Variants in ADCY3 observed in about 807,000 individuals in gnomAD.
The protein encoded by ADCY3 is adenylate cyclase type 3.
In ADCY3, 70 loss-of-function variants were observed where a neutral mutation model predicts 119.4. The ratio of observed to expected loss-of-function variants is 0.59; its 90% CI spans 0.48 to 0.72. The LOEUF (loss-of-function observed/expected upper bound fraction) is 0.72. Ranked by LOEUF, ADCY3 falls within the 30% of genes least tolerant of loss-of-function variation. The pLI, the probability that ADCY3 is intolerant of heterozygous loss-of-function variation, is 0.00. For synonymous variants in ADCY3, 672 were observed against 621.4 expected (o/e 1.08, Z -1.21); for missense variants, 1,238 against 1,541.6 (o/e 0.80, Z 3.30).
Position 24,918,244 on chromosome 2 carries a change from T to TC in ADCY3, c.675+68dup. On this transcript the variant is annotated intron_variant, in intron 2 of 21. Transcript: ENST00000679454. The surrounding 1 kb of genome is among the most constrained non-coding windows in gnomAD (Gnocchi z 5.4). ...ACTCAAAGGCAAAGCAAACAGCAAC[T>TC]CCAACAGGTCCCAAGTTGGTGAGAG... 3.4e-6 allele frequency: 5 copies of TC among 1,491,580 alleles called. No homozygotes were observed. The highest frequency in any genetic ancestry group is 3.6e-6 in the Non-Finnish European group (4 of 1,116,510). The allele number at this position is 1,491,580 out of a possible 1,614,324, so 92.4% of individuals were successfully genotyped here. A position where few individuals can be genotyped will look rare whatever the true frequency, so the allele number is the denominator to read the frequency against.
At chr2:24,888,093 A>G (rs6749170) in intron 2 of ADCY3, among the ~76,000 whole-genome samples, 80,605 of 152,110 alleles carry the variant, frequency 0.53, 23,567 homozygotes, top group African/African-American at 0.8. Context: ...CCTTGTACAC[A>G]GTAGGTCCTC....
intron 13 of ADCY3, among the ~76,000 whole-genome samples, chr2:24,829,588 T>C (rs1325815386): frequency 6.6e-6 from 1 of 151,052 alleles, no homozygotes; most frequent in Non-Finnish European, 1.5e-5. Context: ...GCCCGGCTAA[T>C]TTTTTTGTAT....
At chr2:24,820,376 A>C in intron 21 of ADCY3, 1 of 1,319,666 alleles carries the variant, frequency 7.6e-7, no homozygotes, top group Non-Finnish European at 9.6e-7. Context: ...GGGTGGCAGC[A>C]CTGTTACCTG....
intron 17 of ADCY3, 81 bp from the exon 18 acceptor site, chr2:24,823,436 T>C: frequency 3.3e-6 from 5 of 1,496,000 alleles, no homozygotes; most frequent in Middle Eastern, 2.2e-4. Flanking sequence ...CTATCTTCCA[T>C]GCATGACATG....
At position 24,842,630 on chromosome 2, in the gene ADCY3, G is replaced by C. The variant is rs1442633912; in HGVS notation, c.826-246C>G. On this transcript the variant is annotated intron_variant, in intron 3 of 21. Coordinates refer to ENST00000679454, the MANE Select transcript of ADCY3 (RefSeq NM_004036.5). The surrounding 1 kb of genome is among the most constrained non-coding windows in gnomAD (Gnocchi z 4.9). ...GCAACTGAGGGGAGCCAGAAACGCA[G>C]TGAAGCATCCCAACGTGGCTCTGTG... 1 of 504,276 alleles carries C rather than the reference G, an allele frequency of 2.0e-6. No individual in the cohort carries two copies. Among genetic ancestry groups the C allele is most frequent in the Non-Finnish European group, 3.6e-6 (1 of 277,204 alleles). The allele number at this position is 504,276 out of a possible 1,614,324, so 31.2% of individuals were successfully genotyped here.
intron 2 of ADCY3, among the ~76,000 whole-genome samples, chr2:24,904,525 A>G (rs34697209): frequency 0.5 from 76,033 of 151,836 alleles, 21,076 homozygotes; most frequent in African/African-American, 0.76. Context: ...CATCTCAAAA[A>G]AAAAGAAAAG....
intron 11 of ADCY3, among the ~76,000 whole-genome samples, chr2:24,831,951 AGGGGCAGGGGCCAG>A (rs1669606791): frequency 1.1e-5 from 1 of 87,654 alleles, no homozygotes; most frequent in South Asian, 5.0e-4. Context: ...GACAGCAGAC[AGGGGCAGGGGCCAG>A]GGGGCAGCGG....
Position 24,919,252 on chromosome 2 carries a change from C to A in ADCY3, c.-197-68G>T. On this transcript the variant is annotated intron_variant, in intron 1 of 21. Coordinates refer to ENST00000679454, the MANE Select transcript of ADCY3 (RefSeq NM_004036.5). This position sits in a 1 kb window ranked among gnomAD's most constrained non-coding sequence, Gnocchi z 5.5. The stretch of plus-strand genomic sequence containing the variant: ...CCTTGCGGTTTCCCCATGACCCGCC[C>A]TAACCCTCATAAAAGGATCTCTGCT... 1 of 465,662 alleles carries A rather than the reference C, an allele frequency of 2.1e-6. No homozygotes were observed. Among genetic ancestry groups the A allele is most frequent in the Non-Finnish European group, 3.9e-6 (1 of 257,062 alleles). The allele number at this position is 465,662 out of a possible 1,614,324, so 28.8% of individuals were successfully genotyped here. A position where few individuals can be genotyped will look rare whatever the true frequency, so the allele number is the denominator to read the frequency against.
chr2:24,820,898 T>C (rs779138309), intron 20 of ADCY3, 50 bp from the exon 21 acceptor site: 12 of 1,602,976 alleles, frequency 7.5e-6, no homozygotes, highest in South Asian at 5.6e-5. Context: ...CACCTTGTTA[T>C]GGGCCTCAGA....
chr2:24,874,197 T>C (rs1237855064), intron 2 of ADCY3, among the ~76,000 whole-genome samples: 1 of 152,198 alleles, frequency 6.6e-6, no homozygotes, highest in Admixed American at 6.5e-5. Flanking sequence ...CAAGGGCCCG[T>C]TGCGTGACGA....
chr2:24,884,363 C>A (rs1309353422), intron 2 of ADCY3, among the ~76,000 whole-genome samples: 1 of 152,142 alleles, frequency 6.6e-6, no homozygotes, highest in Non-Finnish European at 1.5e-5. Context: ...GAGCTTCCAG[C>A]CTTCCTGGGT....
Position 24,918,588 on chromosome 2 carries a change from C to G in ADCY3, c.400G>C (p.Val134Leu), listed in dbSNP as rs143199260. The change falls in exon 2 of 22, where the codon GTC becomes CTC. Residue 134 changes from valine to leucine, a missense_variant. Around this residue, in one of 7 missense-constraint regions of ADCY3, gnomAD observed 227 missense variants for 249.3 expected, o/e 0.91. Transcript: ENST00000679454. The surrounding 1 kb of genome is among the most constrained non-coding windows in gnomAD (Gnocchi z 5.4). Reference sequence around the variant, plus strand: ...ACGTAGGGCAGCACTCTGCGGGTGACCCGGTCCGGGAGCAGCCCCTTTTTG... The same window carrying G: ...ACGTAGGGCAGCACTCTGCGGGTGAGCCGGTCCGGGAGCAGCCCCTTTTTG... ...LCKKGLLPDR[V>L]TRRVLPYVLW... The G allele has an allele frequency of 1.4e-5, 23 of 1,614,022 alleles. No individual in the cohort carries two copies. Among genetic ancestry groups the G allele is most frequent in the Non-Finnish European group, 1.9e-5 (22 of 1,180,042 alleles).
At position 24,834,794 on chromosome 2, in the gene ADCY3, ACTTGGGCGG is replaced by A; in HGVS notation, c.1796_1804del (p.Ser599_Val602delinsLeu). 6.2e-7 allele frequency: 1 copy of A among 1,612,978 alleles called. No individual in the cohort carries two copies. On this transcript the variant is annotated inframe_deletion and splice_region_variant, in exon 10 of 22. Transcript: ENST00000679454. This position sits in a 1 kb window ranked among gnomAD's most constrained non-coding sequence, Gnocchi z 4.2. ...CTGGACGCTTCCGGGTGGCGCTTAC[ACTTGGGCGG>A]ACTCTCGCTCAAGCAGGGCCTCGTT...
intron 3 of ADCY3, among the ~76,000 whole-genome samples, chr2:24,855,006 C>T (rs956606488): frequency 5.3e-5 from 8 of 152,080 alleles, no homozygotes; most frequent in Admixed American, 1.3e-4. Context: ...ACTGAGACTG[C>T]GCCACTGCAC....
At position 24,821,652 on chromosome 2, in the gene ADCY3, G is replaced by A; in HGVS notation, c.3004-12C>T. 6.2e-7 allele frequency: 1 copy of A among 1,613,508 alleles called. No homozygotes were observed. The highest frequency in any genetic ancestry group is 8.5e-7 in the Non-Finnish European group (1 of 1,179,778). ...TCGGACTTGTCTTCCTGTGCCAGGG[G>A]ACCGTGGAGAAAGTGTCAGGGGCCG... On this transcript the variant is annotated splice_polypyrimidine_tract_variant and intron_variant, in intron 19 of 21. Coordinates refer to ENST00000679454, the MANE Select transcript of ADCY3 (RefSeq NM_004036.5).
chr2:24,918,174 T>C lies in ADCY3; in HGVS notation c.675+139A>G. On this transcript the variant is annotated intron_variant, in intron 2 of 21. Coordinates refer to ENST00000679454, the MANE Select transcript of ADCY3 (RefSeq NM_004036.5). The surrounding 1 kb of genome is among the most constrained non-coding windows in gnomAD (Gnocchi z 5.4). ...GGCACAGGGGTGAAAAGGCAGGGAC[T>C]AGGGAGAGAGGTGAGAGCCCCGGAG... 7 of 917,774 alleles carry C rather than the reference T, an allele frequency of 7.6e-6. No individual in the cohort carries two copies. In the Middle Eastern group the frequency reaches 1.4e-3, roughly 183 times the overall value. 56.9% of individuals were successfully genotyped at this position (917,774 alleles called of 1,614,324 possible). A position where few individuals can be genotyped will look rare whatever the true frequency, so the allele number is the denominator to read the frequency against.
intron 3 of ADCY3, among the ~76,000 whole-genome samples, chr2:24,854,571 G>A (rs547702534): frequency 6.6e-6 from 1 of 152,288 alleles, no homozygotes; most frequent in East Asian, 1.9e-4. Flanking sequence ...CAAGTGGCTC[G>A]TGGCTTTTGT....
intron 3 of ADCY3, among the ~76,000 whole-genome samples, chr2:24,850,832 T>C (rs1672201713): frequency 6.6e-6 from 1 of 152,164 alleles, no homozygotes; most frequent in Admixed American, 6.5e-5. Context: ...GAAACAACAG[T>C]ATTGTTTATC....
chr2:24,918,268 A>AGGGC lies in ADCY3; in HGVS notation c.675+44_675+45insGCCC, dbSNP rs768819717. 53 of 1,512,428 alleles carry AGGGC rather than the reference A, an allele frequency of 3.5e-5. No homozygotes were observed. The highest frequency in any genetic ancestry group is 4.2e-5 in the Non-Finnish European group (48 of 1,132,206). 93.7% of individuals were successfully genotyped at this position (1,512,428 alleles called of 1,614,324 possible). Reference sequence around the variant, plus strand: ...CTCCAACAGGTCCCAAGTTGGTGAGAGCTGCAGGAGAGGACGCTGTGGGGG... The same window carrying AGGGC: ...CTCCAACAGGTCCCAAGTTGGTGAGAGGGCGCTGCAGGAGAGGACGCTGTGGGGG... On this transcript the variant is annotated intron_variant, in intron 2 of 21. Coordinates refer to ENST00000679454, the MANE Select transcript of ADCY3 (RefSeq NM_004036.5). The surrounding 1 kb of genome is among the most constrained non-coding windows in gnomAD (Gnocchi z 5.4).
Sources: gnomAD v4.1 joint callset for allele counts (sites outside exome capture counted in the v4.1 genomes callset) on GRCh38, gnomAD v4.1.1 for gene constraint, gnomAD v4.1.1 regional missense constraint, Gnocchi (gnomAD v3.1) non-coding constraint, MANE v1.5 for transcripts, NCBI Gene and HGNC (gene_info 2026-07-23, HGNC 2026-07-21) for gene names.